CAPN14: variants seen among roughly 807,000 people sequenced by gnomAD.
CAPN14 encodes the protein calpain-14.
In CAPN14, 94 loss-of-function variants were observed where a neutral mutation model predicts 101.3. That is an observed-to-expected ratio of 0.93 (90% CI 0.79 to 1.10). The LOEUF (loss-of-function observed/expected upper bound fraction) is 1.10, where lower values mean the gene tolerates loss of function less well. Ranked by LOEUF, CAPN14 falls within the 50% of genes least tolerant of loss-of-function variation. The pLI is 0.00. For missense variants in CAPN14, 837 were observed against 828.4 expected, an observed-to-expected ratio of 1.01 and a Z score of -0.13; for synonymous variants, 338 against 317.9, an observed-to-expected ratio of 1.06 and a Z score of -0.67.
chr2:31,222,243 A>C (rs913418488), upstream of CAPN14, among the ~76,000 whole-genome samples: 3 of 152,324 alleles, frequency 2.0e-5, no homozygotes, highest in African/African-American at 7.2e-5. Context: ...AAAGCATGAT[A>C]TCTAGTAAGT....
chr2:31,196,141 A>G (rs1681461360), intron 8 of CAPN14, among the ~76,000 whole-genome samples: 1 of 152,258 alleles, frequency 6.6e-6, no homozygotes, highest in Non-Finnish European at 1.5e-5. Context: ...AATGAAAAAT[A>G]TACTGGATGG....
In CAPN14 at chr2:31,174,736, T is replaced by C. The variant is rs1261524058; in HGVS notation, c.2029-29A>G. 1.9e-6 allele frequency: 3 copies of C among 1,551,252 alleles called. No individual in the cohort carries two copies. The African/African-American group carries it at 4.1e-5, about 21-fold the overall frequency. ...GACATGTTGGGAAAGCAAATGATGG[T>C]CAGTTCAGACCCACGTCTCATCTGG... is the stretch of plus-strand genomic sequence containing the variant. On this transcript the variant is annotated intron_variant, in intron 21 of 21. Transcript: ENST00000403897.
chr2:31,191,766 A>G (rs181698104), intron 11 of CAPN14, among the ~76,000 whole-genome samples, 169 bp downstream of exon 11: 1 of 152,362 alleles, frequency 6.6e-6, no homozygotes, highest in Admixed American at 6.5e-5. Flanking sequence ...TAGTGCAAGA[A>G]GGTGACTTGT....
At chr2:31,227,156 C>T (rs2148709284) in intron 1 of CAPN14, among the ~76,000 whole-genome samples, 1 of 152,290 alleles carries the variant, frequency 6.6e-6, no homozygotes. Context: ...TTCTTAGAAG[C>T]AGGCATCTTA....
intron 2 of CAPN14, among the ~76,000 whole-genome samples, chr2:31,224,010 C>T (rs895107756): frequency 8.5e-5 from 13 of 152,266 alleles, no homozygotes; most frequent in Admixed American, 2.0e-4. Context: ...CGTCATTTTT[C>T]GCAACTACAT....
intron 15 of CAPN14, among the ~76,000 whole-genome samples, chr2:31,187,516 C>T (rs565624695): frequency 1.3e-5 from 2 of 152,008 alleles, no homozygotes; most frequent in South Asian, 4.2e-4. Context: ...GCTTTCCCTA[C>T]AACTAATCAA....
intron 7 of CAPN14, among the ~76,000 whole-genome samples, chr2:31,197,898 A>G (rs943962079): frequency 6.6e-6 from 1 of 152,226 alleles, no homozygotes; most frequent in African/African-American, 2.4e-5. Flanking sequence ...CAGAGGGAGC[A>G]TGTCCCTGCT....
chr2:31,205,448 G>A lies in CAPN14; in HGVS notation c.-1C>T, dbSNP rs1682025181. 1 of 1,551,024 alleles carries A rather than the reference G, an allele frequency of 6.4e-7. No individual in the cohort carries two copies. On this transcript the variant is annotated 5_prime_UTR_variant, in exon 2 of 22. Coordinates refer to ENST00000403897, the MANE Select transcript of CAPN14 (RefSeq NM_001145122.2). The stretch of plus-strand genomic sequence containing the variant: ...ATCGGAAAGGTGGCCACAGAGACAT[G>A]GCAGGTGGTGGGTACAGTCCAGTGA...
At chr2:31,213,267 C>T (rs931830891) in intron 1 of CAPN14, among the ~76,000 whole-genome samples, 2 of 152,192 alleles carry the variant, frequency 1.3e-5, no homozygotes, top group South Asian at 4.1e-4. Flanking sequence ...ACTGTGCCTA[C>T]TCTCAGAACT....
At chr2:31,194,781 T>C (rs1428744812) in intron 8 of CAPN14, among the ~76,000 whole-genome samples, 2 of 152,210 alleles carry the variant, frequency 1.3e-5, no homozygotes, top group African/African-American at 2.4e-5. Context: ...AAGTCAAATA[T>C]CTATTAAACG....
intron 1 of CAPN14, among the ~76,000 whole-genome samples, chr2:31,229,664 G>A (rs1210052874): frequency 8.1e-6 from 1 of 124,002 alleles, no homozygotes; most frequent in Non-Finnish European, 1.6e-5. Context: ...GGGTGACAGA[G>A]CAAGACCCTA....
At chr2:31,177,475 G>A (rs543329346) in intron 19 of CAPN14, among the ~76,000 whole-genome samples, 1 of 152,140 alleles carries the variant, frequency 6.6e-6, no homozygotes, top group Non-Finnish European at 1.5e-5. Context: ...CCAGGCAATT[G>A]AGCTTCAATT....
intron 9 of CAPN14, among the ~76,000 whole-genome samples, chr2:31,193,969 G>C (rs1310841322): frequency 1.3e-5 from 2 of 152,114 alleles, no homozygotes; most frequent in Non-Finnish European, 1.5e-5. Flanking sequence ...GGATGTCTTG[G>C]TGGCCTTTCA....
At chr2:31,213,353 A>T (rs745489251) in intron 1 of CAPN14, among the ~76,000 whole-genome samples, 2 of 152,238 alleles carry the variant, frequency 1.3e-5, no homozygotes. Context: ...TGGATAAATA[A>T]AGTTTTACTG....
chr2:31,192,984 C>T, intron 10 of CAPN14, 147 bp downstream of exon 10: 1 of 777,940 alleles, frequency 1.3e-6, no homozygotes, highest in Non-Finnish European at 2.0e-6. Flanking sequence ...GTGGTTATAG[C>T]CCAGGGCCCC....
At chr2:31,195,563 C>T (rs1681429588) in intron 8 of CAPN14, among the ~76,000 whole-genome samples, 1 of 152,200 alleles carries the variant, frequency 6.6e-6, no homozygotes, top group Non-Finnish European at 1.5e-5. Flanking sequence ...TCTTGAACTC[C>T]TGACCTTAAA....
In CAPN14 at chr2:31,199,617, A is replaced by G. The variant is rs1681649309; in HGVS notation, c.727-85T>C. The G allele has an allele frequency of 1.1e-5, 12 of 1,124,726 alleles. No homozygotes were observed. The East Asian group carries it at 1.8e-4, about 17-fold the overall frequency. The allele number at this position is 1,124,726 out of a possible 1,614,324, so 69.7% of individuals were successfully genotyped here. On this transcript the variant is annotated intron_variant, in intron 6 of 21. Coordinates refer to ENST00000403897, the MANE Select transcript of CAPN14 (RefSeq NM_001145122.2). ...CGTGGGAAGGCTGTTTGGCTGGAGC[A>G]GGGGTTTATGGAGAGAAGTGTGGGA... is the stretch of plus-strand genomic sequence containing the variant.
intron 16 of CAPN14, 57 bp from the exon 17 acceptor site, chr2:31,181,057 T>C (rs1680569119): frequency 1.4e-6 from 2 of 1,430,630 alleles, no homozygotes; most frequent in African/African-American, 2.8e-5. Flanking sequence ...CACACCCCTT[T>C]TCTGAGCAGG....
At chr2:31,216,827 T>A (rs1682667359) in intron 1 of CAPN14, among the ~76,000 whole-genome samples, 1 of 152,056 alleles carries the variant, frequency 6.6e-6, no homozygotes, top group South Asian at 2.1e-4. Context: ...ATTTCGAGAT[T>A]TCTAATCTAG....
Sources: gnomAD v4.1 joint callset for allele counts (sites outside exome capture counted in the v4.1 genomes callset) on GRCh38, gnomAD v4.1.1 for gene constraint, MANE v1.5 for transcripts, NCBI Gene and HGNC (gene_info 2026-07-23, HGNC 2026-07-21) for gene names.